The following ANO7 variants were observed in gnomAD, a reference collection of about 807,000 sequenced individuals.
The protein encoded by ANO7 is anoctamin-7.
Under a neutral mutation model 115.8 loss-of-function variants are expected in ANO7, and 114 were observed. The ratio of observed to expected loss-of-function variants is 0.98; its 90% CI spans 0.85 to 1.15. The LOEUF is 1.15. Among genes scored for constraint, ANO7 ranks in the 50% most tolerant of loss-of-function variants. The pLI, the probability that ANO7 is intolerant of heterozygous loss-of-function variation, is 0.00. For missense variants in ANO7, 1,302 were observed against 1,201.2 expected (o/e 1.08, Z -1.24); for synonymous variants, 550 against 498.2 (o/e 1.10, Z -1.38).
chr2:241,228,115 G>A (rs1005261994), downstream of ANO7: 6 of 152,262 alleles, frequency 3.9e-5, no homozygotes, highest in Admixed American at 2.0e-4. Context: ...CTGAGAGTGA[G>A]GTGTCAAGGC....
chr2:241,206,992 C>G (rs1446552081), intron 10 of ANO7, among the ~76,000 whole-genome samples: 36 of 106,134 alleles, frequency 3.4e-4, no homozygotes, highest in East Asian at 5.8e-4. Flanking sequence ...ATGCTCCCAG[C>G]CTGACACAGG....
Position 241,223,710 on chromosome 2 carries a change from A to T in ANO7, c.2461A>T (p.Ile821Phe). 6.2e-7 allele frequency: 1 copy of T among 1,614,132 alleles called. No homozygotes were observed. The highest frequency in any genetic ancestry group is 8.5e-7 in the Non-Finnish European group (1 of 1,180,004). The part of the protein sequence containing the change: ...GRLLDLLVPD[I>F]PESVEIKVKR... The stretch of plus-strand genomic sequence containing the variant: ...CCTCCTGGACCTCCTGGTGCCTGAC[A>T]TCCCAGAGTCTGTGGAGATCAAAGT... The change falls in exon 23 of 25, where the codon ATC becomes TTC. Residue 821 changes from isoleucine to phenylalanine, a missense_variant. Ile to Phe is a conservative substitution (Grantham distance 21). Transcript: ENST00000674324.
chr2:241,207,554 C>G lies in ANO7; in HGVS notation c.981-20C>G. ...CCCCCTCCCCCATTAGCTCCCACCCCTCCGCTCCATGCCTTGCAGGCAGGA... is the reference window on the plus strand; with the variant it reads ...CCCCCTCCCCCATTAGCTCCCACCCGTCCGCTCCATGCCTTGCAGGCAGGA... On this transcript the variant is annotated intron_variant, in intron 10 of 24. Coordinates refer to ENST00000674324, the MANE Select transcript of ANO7 (RefSeq NM_001370694.2). The G allele has an allele frequency of 6.2e-7, 1 of 1,611,302 alleles. No homozygotes were observed. Among genetic ancestry groups the G allele is most frequent in the East Asian group, 2.2e-5 (1 of 44,864 alleles).
At chr2:241,231,836 C>T in the ANO7 span, among the ~76,000 whole-genome samples, 36 of 152,146 alleles carry the variant, frequency 2.4e-4, no homozygotes, top group African/African-American at 7.2e-4. Flanking sequence ...CCACAATCGG[C>T]GAAAACAACA....
chr2:241,201,362 G>T lies in ANO7; in HGVS notation c.612+7G>T. On this transcript the variant is annotated splice_region_variant and intron_variant, in intron 7 of 24. Transcript: ENST00000674324. The stretch of plus-strand genomic sequence containing the variant: ...CACCAAGAGGCACCAAATTGTGAGT[G>T]GGGGTTCCCTGCCGCGGGCCCCAAA... 6.2e-7 allele frequency: 1 copy of T among 1,611,610 alleles called. No individual in the cohort carries two copies. The highest frequency in any genetic ancestry group is 8.5e-7 in the Non-Finnish European group (1 of 1,179,036).
intron 8 of ANO7, 134 bp downstream of exon 8, chr2:241,202,438 T>A (rs1488089834): frequency 2.9e-6 from 2 of 696,280 alleles, no homozygotes; most frequent in East Asian, 2.7e-5. Flanking sequence ...GAACACTAAA[T>A]GCACACACAT....
At chr2:241,191,991 A>C (rs2068217232) in intron 3 of ANO7, among the ~76,000 whole-genome samples, 1 of 152,228 alleles carries the variant, frequency 6.6e-6, no homozygotes, top group African/African-American at 2.4e-5. Context: ...CCGCAATGTC[A>C]TTCACTGTAG....
Position 241,203,171 on chromosome 2 carries a change from C to T in ANO7, c.724-162C>T, listed in dbSNP as rs928670139. On this transcript the variant is annotated intron_variant, in intron 8 of 24. Coordinates refer to ENST00000674324, the MANE Select transcript of ANO7 (RefSeq NM_001370694.2). This position sits in a 1 kb window ranked among gnomAD's most constrained non-coding sequence, Gnocchi z 4.8. Reference sequence around the variant, plus strand: ...TCCTCAGAGAGGTCCTCCCGGACCACCCTGTACCCACCCCTCCACATTACT... The same window carrying T: ...TCCTCAGAGAGGTCCTCCCGGACCATCCTGTACCCACCCCTCCACATTACT... 6.6e-6 allele frequency among the ~76,000 whole-genome samples: 1 copy of T among 152,144 alleles called. No homozygotes were observed. The highest frequency in any genetic ancestry group is 2.4e-5 in the African/African-American group (1 of 41,422).
intron 3 of ANO7, among the ~76,000 whole-genome samples, chr2:241,193,010 A>G (rs1247411194): frequency 2.0e-5 from 3 of 151,634 alleles, no homozygotes; most frequent in South Asian, 4.1e-4. Flanking sequence ...CTTAGTACCA[A>G]TGACCTGTAC....
At chr2:241,196,160 T>C in intron 4 of ANO7, 1 of 1,297,320 alleles carries the variant, frequency 7.7e-7, no homozygotes, top group South Asian at 2.1e-5. Context: ...AGCTTTTGGG[T>C]AGGCGTGTCA....
At chr2:241,214,749 G>A (rs2068786340) in intron 17 of ANO7, 56 bp from the exon 18 acceptor site, 2 of 1,511,628 alleles carry the variant, frequency 1.3e-6, no homozygotes, top group African/African-American at 2.7e-5. Flanking sequence ...AAGAAGGGAT[G>A]CGTGGGTGAG....
the ANO7 span, chr2:241,235,453 C>G: frequency 6.5e-7 from 1 of 1,541,094 alleles, no homozygotes; most frequent in Non-Finnish European, 9.0e-7. Flanking sequence ...TGCGACAGGC[C>G]ACTCCTGTGA....
chr2:241,240,019 C>T, the ANO7 span: 1 of 1,614,198 alleles, frequency 6.2e-7, no homozygotes, highest in South Asian at 1.1e-5. This position sits in a 1 kb window ranked among gnomAD's most constrained non-coding sequence, Gnocchi z 5.5. Flanking sequence ...GACACGTGCT[C>T]CAGTGCTGTC....
intron 21 of ANO7, among the ~76,000 whole-genome samples, chr2:241,222,013 T>G (rs1177696199): frequency 3.3e-5 from 5 of 151,750 alleles, no homozygotes; most frequent in Non-Finnish European, 7.4e-5. Flanking sequence ...GGCCGGTGGA[T>G]CACAAAGTCA....
intron 21 of ANO7, among the ~76,000 whole-genome samples, chr2:241,218,591 C>T (rs572054595): frequency 3.3e-5 from 5 of 152,246 alleles, no homozygotes; most frequent in South Asian, 2.1e-4. Context: ...GGCTGGAGGG[C>T]AAATCGTGGA....
At chr2:241,199,126 C>G in intron 4 of ANO7, 190 bp from the exon 5 acceptor site, 1 of 581,424 alleles carries the variant, frequency 1.7e-6, no homozygotes, top group Non-Finnish European at 3.1e-6. Flanking sequence ...ACGGGGCTGT[C>G]GAGGCCCGGT....
chr2:241,216,351 A>C, intron 19 of ANO7, 113 bp downstream of exon 19: 3 of 1,208,660 alleles, frequency 2.5e-6, no homozygotes, highest in African/African-American at 1.6e-5. Context: ...CTGCCCTGAA[A>C]TGTGCTGTGG....
rs758745581 is a variant in ANO7, at chr2:241,207,563, A to C, written c.981-11A>C. 6.2e-7 allele frequency: 1 copy of C among 1,611,670 alleles called. No homozygotes were observed. On this transcript the variant is annotated splice_polypyrimidine_tract_variant and intron_variant, in intron 10 of 24. Transcript: ENST00000674324. ...CCATTAGCTCCCACCCCTCCGCTCC[A>C]TGCCTTGCAGGCAGGAACTGTGTGG...
downstream of ANO7, chr2:241,229,001 C>T (rs991694189): frequency 6.5e-6 from 1 of 153,604 alleles, no homozygotes; most frequent in Non-Finnish European, 1.4e-5. Context: ...AAAATCAGGA[C>T]TGCCTGAGAA....
Sources: allele counts gnomAD v4.1 joint callset (sites outside exome capture counted in the v4.1 genomes callset), GRCh38; gene constraint gnomAD v4.1.1; non-coding constraint Gnocchi (gnomAD v3.1); transcripts MANE v1.5; gene names NCBI Gene and HGNC (gene_info 2026-07-23, HGNC 2026-07-21).